Variants in MAL observed in about 807,000 individuals in gnomAD.
MAL encodes the protein myelin and lymphocyte protein.
A neutral mutation model predicts 16.7 loss-of-function variants in MAL; 5 were observed. The ratio of observed to expected loss-of-function variants is 0.30; its 90% confidence interval spans 0.16 to 0.63. The LOEUF is 0.63. Ranked by LOEUF, MAL falls within the 30% of genes least tolerant of loss-of-function variation. MAL has a pLI of 0.82. For missense variants in MAL, 202 were observed against 195.8 expected, an observed-to-expected ratio of 1.03 and a Z score of -0.19; for synonymous variants, 96 against 85.5, an observed-to-expected ratio of 1.12 and a Z score of -0.67.
At chr2:95,033,295 C>A (rs928173605) in intron 1 of MAL, among the ~76,000 whole-genome samples, 2 of 152,212 alleles carry the variant, frequency 1.3e-5, no homozygotes, top group Non-Finnish European at 2.9e-5. Flanking sequence ...AACTACAGGC[C>A]TGCATCTGCC....
chr2:95,033,309 G>A (rs1164063563), intron 1 of MAL, among the ~76,000 whole-genome samples: 3 of 152,234 alleles, frequency 2.0e-5, no homozygotes, highest in Admixed American at 1.3e-4. Flanking sequence ...ATCTGCCGAA[G>A]AGGGAGCGGG....
chr2:95,039,285 T>A (rs1162835374), intron 1 of MAL, among the ~76,000 whole-genome samples: 2 of 150,132 alleles, frequency 1.3e-5, no homozygotes, highest in Admixed American at 1.3e-4. Context: ...AGTGACTGAG[T>A]GAGTGACTGA....
intron 1 of MAL, among the ~76,000 whole-genome samples, chr2:95,042,531 T>A (rs1383933234): frequency 2.0e-5 from 3 of 152,132 alleles, no homozygotes; most frequent in Non-Finnish European, 4.4e-5. Context: ...CTCAGAGCAC[T>A]CAACCCTTAT....
chr2:95,045,287 A>G (rs1674560455), intron 1 of MAL, among the ~76,000 whole-genome samples: 1 of 152,188 alleles, frequency 6.6e-6, no homozygotes, highest in Non-Finnish European at 1.5e-5. Context: ...ACGGGGTCCC[A>G]CTGGGATTCC....
intron 1 of MAL, among the ~76,000 whole-genome samples, chr2:95,030,031 C>T (rs1310275267): frequency 6.6e-6 from 1 of 152,226 alleles, no homozygotes; most frequent in African/African-American, 2.4e-5. Flanking sequence ...TCCCAACAGC[C>T]TGGGAGGCGC....
At chr2:95,036,019 T>C (rs1275991039) in intron 1 of MAL, among the ~76,000 whole-genome samples, 1 of 152,216 alleles carries the variant, frequency 6.6e-6, no homozygotes, top group Non-Finnish European at 1.5e-5. Flanking sequence ...CTTCACAAAC[T>C]GATCCAAACC....
At position 95,042,008 on chromosome 2, in the gene MAL, C is replaced by G. The variant is rs1354747193; in HGVS notation, c.94-5951C>G. Among the ~76,000 whole-genome samples, 4 of 152,268 alleles carry G rather than the reference C, an allele frequency of 2.6e-5. No homozygotes were observed. In the East Asian group the frequency reaches 5.8e-4, roughly 22 times the overall value. ...AGGGTTGGGAGGGGCCTCCAAACGC[C>G]CATGCACCCTCTCAGTCCCCATCCT... On this transcript the variant is annotated intron_variant, in intron 1 of 3. Transcript: ENST00000309988.
intron 1 of MAL, among the ~76,000 whole-genome samples, chr2:95,027,327 A>T (rs564954415): frequency 6.6e-6 from 1 of 152,118 alleles, no homozygotes; most frequent in Non-Finnish European, 1.5e-5. Flanking sequence ...GGAACCATCT[A>T]CTACTGGCAG....
chr2:95,042,850 G>GA (rs1221614152), intron 1 of MAL, among the ~76,000 whole-genome samples: 4 of 152,202 alleles, frequency 2.6e-5, no homozygotes, highest in African/African-American at 9.7e-5. Context: ...GGCCAGGCTG[G>GA]AACAGATTGC....
At chr2:95,036,522 A>AAG (rs1674210460) in intron 1 of MAL, among the ~76,000 whole-genome samples, 1 of 152,206 alleles carries the variant, frequency 6.6e-6, no homozygotes, top group South Asian at 2.1e-4. Flanking sequence ...ACGTTCATTA[A>AAG]AGTGTGTCTT....
At chr2:95,037,277 G>A (rs187786567) in intron 1 of MAL, among the ~76,000 whole-genome samples, 1 of 149,060 alleles carries the variant, frequency 6.7e-6, no homozygotes, top group African/African-American at 2.5e-5. Flanking sequence ...GGGTGAGTGA[G>A]TGACTGACTG....
Position 95,028,316 on chromosome 2 carries a change from C to T in MAL, c.93+2431C>T, listed in dbSNP as rs189075371. On this transcript the variant is annotated intron_variant, in intron 1 of 3. Coordinates refer to ENST00000309988, the MANE Select transcript of MAL (RefSeq NM_002371.4). ...CCAGCCTGGGCAACAGAGTGAGACT[C>T]GGTCTCAAAAAAATAAATTAATAAG... Among the ~76,000 whole-genome samples, 122 of 151,798 alleles carry T rather than the reference C, an allele frequency of 8.0e-4. 2 individuals carry two copies. The East Asian group carries it at 0.013, about 17-fold the overall frequency.
At chr2:95,039,724 T>G (rs903192926) in intron 1 of MAL, among the ~76,000 whole-genome samples, 2 of 71,580 alleles carry the variant, frequency 2.8e-5, no homozygotes, top group Admixed American at 1.7e-4. Flanking sequence ...ACTGAGTGAG[T>G]GACTGAGTGA....
intron 1 of MAL, among the ~76,000 whole-genome samples, chr2:95,037,676 CTGAG>C (rs564146772): frequency 0.057 from 6,821 of 120,124 alleles, 231 homozygotes; most frequent in Middle Eastern, 0.13. Context: ...GACTGAGTGA[CTGAG>C]TGAGTGAGTG....
At chr2:95,034,304 T>A (rs1674155261) in intron 1 of MAL, among the ~76,000 whole-genome samples, 1 of 151,982 alleles carries the variant, frequency 6.6e-6, no homozygotes, top group Admixed American at 6.5e-5. Context: ...GCTAAGAGCT[T>A]GATGGAGCAG....
intron 3 of MAL, among the ~76,000 whole-genome samples, chr2:95,051,154 A>G (rs1375153114): frequency 2.0e-5 from 3 of 152,224 alleles, no homozygotes; most frequent in Admixed American, 6.5e-5. Context: ...GTTGAGAACC[A>G]CTAGGCTCTA....
At chr2:95,043,469 G>A (rs1044037587) in intron 1 of MAL, among the ~76,000 whole-genome samples, 2 of 152,236 alleles carry the variant, frequency 1.3e-5, no homozygotes, top group African/African-American at 4.8e-5. Flanking sequence ...GGGGCCAAGA[G>A]GCAGAATCAC....
intron 1 of MAL, among the ~76,000 whole-genome samples, chr2:95,039,991 T>G (rs1674404996): frequency 1.3e-5 from 2 of 152,132 alleles, no homozygotes; most frequent in African/African-American, 4.8e-5. Context: ...TCCCCTGACC[T>G]CCTGCTCTGT....
At chr2:95,046,594 C>T (rs1674590254) in intron 1 of MAL, among the ~76,000 whole-genome samples, 1 of 152,102 alleles carries the variant, frequency 6.6e-6, no homozygotes, top group African/African-American at 2.4e-5. Context: ...GTGCTACTGG[C>T]CCCCATGTCT....
Sources: gnomAD v4.1 joint callset for allele counts (sites outside exome capture counted in the v4.1 genomes callset) on GRCh38, gnomAD v4.1.1 for gene constraint, MANE v1.5 for transcripts, NCBI Gene and HGNC (gene_info 2026-07-23, HGNC 2026-07-21) for gene names.